Variants in SLC2A5 observed in about 807,000 individuals in gnomAD.
The protein encoded by SLC2A5 is solute carrier family 2, facilitated glucose transporter member 5.
In SLC2A5, 56 loss-of-function variants were observed where a neutral mutation model predicts 50.3. The observed-to-expected ratio is 1.11, with a 90% confidence interval of 0.90 to 1.39. The LOEUF is 1.39. Among genes scored for constraint, SLC2A5 ranks in the 40% most tolerant of loss-of-function variants. The probability of loss-of-function intolerance (pLI) is 0.00; values close to 1 mark genes in which losing one functional copy is unlikely to be tolerated. For synonymous variants in SLC2A5, 269 were observed against 281.9 expected (o/e 0.95, Z 0.46); for missense variants, 566 against 650.1 (o/e 0.87, Z 1.41).
At chr1:9,047,854 G>T in intron 3 of SLC2A5, 120 bp from the exon 4 acceptor site, 1 of 1,052,734 alleles carries the variant, frequency 9.5e-7, no homozygotes, top group Non-Finnish European at 1.4e-6. Context: ...ACTGCTGTGC[G>T]TTTAGCTCTC....
upstream of SLC2A5, among the ~76,000 whole-genome samples, chr1:9,074,254 C>T (rs1424183174): frequency 6.6e-6 from 1 of 152,116 alleles, no homozygotes; most frequent in Non-Finnish European, 1.5e-5. Flanking sequence ...AGACAGGTCT[C>T]AATCAATTTA....
At chr1:9,073,957 G>A (rs187449707), upstream of SLC2A5, among the ~76,000 whole-genome samples, 2 of 152,300 alleles carry the variant, frequency 1.3e-5, no homozygotes, top group Non-Finnish European at 2.9e-5. Flanking sequence ...GCGGGAGCCC[G>A]TAACCCCACC....
chr1:9,088,743 A>T (rs1642431786), upstream of SLC2A5, among the ~76,000 whole-genome samples: 1 of 152,176 alleles, frequency 6.6e-6, no homozygotes, highest in South Asian at 2.1e-4. Flanking sequence ...AGATCGCGCC[A>T]CTGCACTCCA....
chr1:9,043,098 T>C (rs1294241246), intron 4 of SLC2A5, among the ~76,000 whole-genome samples: 2 of 152,076 alleles, frequency 1.3e-5, no homozygotes, highest in Non-Finnish European at 2.9e-5. Context: ...TAAAAGCACA[T>C]CCAGAGGCTG....
At chr1:9,041,008 G>C (rs1483973066) in intron 5 of SLC2A5, 1 of 170,120 alleles carries the variant, frequency 5.9e-6, no homozygotes. Context: ...ACTGGTACAG[G>C]CTTAATAGGG....
intron 1 of SLC2A5, among the ~76,000 whole-genome samples, chr1:9,066,136 C>G (rs1642075965): frequency 2.6e-5 from 4 of 152,176 alleles, no homozygotes; most frequent in African/African-American, 9.7e-5. Context: ...GGATACTCAA[C>G]TAGTTGCTGG....
In SLC2A5 at chr1:9,035,238, A is replaced by C. The variant is rs1303248028; in HGVS notation, c.*2348T>G. On this transcript the variant is annotated 3_prime_UTR_variant, in exon 12 of 12. Transcript: ENST00000377424. ...CTAATGTGGCAGGACCAAGGTTTGAACCCAGGGAGCAGACATCCAGAACCA... is the reference window on the plus strand; with the variant it reads ...CTAATGTGGCAGGACCAAGGTTTGACCCCAGGGAGCAGACATCCAGAACCA... 1 of 152,200 alleles carries C rather than the reference A, an allele frequency of 6.6e-6. No homozygotes were observed. Among genetic ancestry groups the C allele is most frequent in the Non-Finnish European group, 1.5e-5 (1 of 68,046 alleles). The allele number at this position is 152,200 out of a possible 1,614,324, so 9.4% of individuals were successfully genotyped here.
intron 3 of SLC2A5, among the ~76,000 whole-genome samples, chr1:9,050,659 G>A (rs1218770474): frequency 1.3e-5 from 2 of 152,024 alleles, no homozygotes; most frequent in African/African-American, 2.4e-5. Flanking sequence ...CTTGGGTTTG[G>A]CGATGACTTT....
chr1:9,040,341 G>A lies in SLC2A5; in HGVS notation c.572-152C>T. 1.1e-6 allele frequency: 1 copy of A among 912,454 alleles called. No individual in the cohort carries two copies. The highest frequency in any genetic ancestry group is 2.7e-5 in the East Asian group (1 of 37,110). The allele number at this position is 912,454 out of a possible 1,614,324, so 56.5% of individuals were successfully genotyped here. On this transcript the variant is annotated intron_variant, in intron 5 of 11. Transcript: ENST00000377424. This position sits in a 1 kb window ranked among gnomAD's most constrained non-coding sequence, Gnocchi z 4.3. The stretch of plus-strand genomic sequence containing the variant: ...GCCCTAAGAACAGCAACTCCCGACG[G>A]TGGACACTCGGGAAACACCTGCAGC...
At chr1:9,061,973 A>T (rs998217433) in intron 1 of SLC2A5, among the ~76,000 whole-genome samples, 10 of 152,200 alleles carry the variant, frequency 6.6e-5, no homozygotes, top group African/African-American at 2.4e-4. Context: ...TAGAGCATTC[A>T]ATTCACCCTC....
upstream of SLC2A5, among the ~76,000 whole-genome samples, chr1:9,089,391 A>G (rs12711519): frequency 0.25 from 37,426 of 152,132 alleles, 5,735 homozygotes; most frequent in East Asian, 0.51. Context: ...CAAACTTTTC[A>G]CCACCTTCAA....
intron 2 of SLC2A5, among the ~76,000 whole-genome samples, chr1:9,083,813 G>A (rs1642377094): frequency 6.8e-6 from 1 of 146,960 alleles, no homozygotes; most frequent in African/African-American, 2.5e-5. Context: ...CAACAAGAGT[G>A]AAACTCCATA....
Position 9,039,569 on chromosome 1 carries a change from C to G in SLC2A5, c.979G>C (p.Val327Leu). The change falls in exon 8 of 12, where the codon GTC becomes CTC. Residue 327 changes from valine (V) to leucine (L), a missense_variant. Transcript: ENST00000377424. ...VTAGTGAVNVVMTFCAVFVVE... is the reference protein window; with the variant it reads ...VTAGTGAVNVLMTFCAVFVVE... ...ACACTCACGGCGCAGAAGGTCATGA[C>G]CACGTTCACGGCCCCGGTGCCGGCC... 6.4e-7 allele frequency: 1 copy of G among 1,574,306 alleles called. No homozygotes were observed.
intron 8 of SLC2A5, among the ~76,000 whole-genome samples, 177 bp downstream of exon 8, chr1:9,039,375 C>T (rs1192252306): frequency 2.0e-5 from 3 of 152,226 alleles, no homozygotes; most frequent in South Asian, 2.1e-4. Context: ...CGGTGCGGCT[C>T]GGCAGCCCCA....
At chr1:9,044,689 G>T (rs1557665189) in intron 4 of SLC2A5, among the ~76,000 whole-genome samples, 1 of 152,018 alleles carries the variant, frequency 6.6e-6, no homozygotes, top group Non-Finnish European at 1.5e-5. Context: ...CTAGTAGCTG[G>T]GATTACAGAC....
intron 3 of SLC2A5, among the ~76,000 whole-genome samples, chr1:9,053,330 ATATT>A (rs1641651674): frequency 1.4e-5 from 1 of 69,586 alleles, no homozygotes; most frequent in Non-Finnish European, 2.5e-5. Context: ...TATATATTAT[ATATT>A]TATATACTAT....
chr1:9,058,203 C>A lies in SLC2A5; in HGVS notation c.81G>T (p.Gly27=). 2 of 1,614,132 alleles carry A rather than the reference C, an allele frequency of 1.2e-6. No individual in the cohort carries two copies. Among genetic ancestry groups the A allele is most frequent in the Non-Finnish European group, 1.7e-6 (2 of 1,179,980 alleles). Residue 27 remains glycine, a synonymous_variant, in exon 2 of 12, where the codon GGG becomes GGT. Transcript: ENST00000377424. ...LALATLIAAF[G]SSFQYGYNVA... ...CGTTGTACCCATACTGGAAGGATGA[C>A]CCAAAGGCAGCTATCAGGGTTGCCA... is the stretch of plus-strand genomic sequence containing the variant.
At chr1:9,045,870 C>CAAA (rs59265235) in intron 4 of SLC2A5, among the ~76,000 whole-genome samples, 33 of 92,972 alleles carry the variant, frequency 3.5e-4, no homozygotes, top group Non-Finnish European at 5.5e-4. Context: ...AACTCCATCT[C>CAAA]AAAAAAAAAA....
At chr1:9,041,982 G>A (rs375332805) in intron 4 of SLC2A5, 45 bp from the exon 5 acceptor site, 15 of 1,521,100 alleles carry the variant, frequency 9.9e-6, no homozygotes, top group Non-Finnish European at 1.3e-5. Flanking sequence ...AAATTAGTCT[G>A]GCAGGGACAA....
Sources: allele counts gnomAD v4.1 joint callset (sites outside exome capture counted in the v4.1 genomes callset), GRCh38; gene constraint gnomAD v4.1.1; non-coding constraint Gnocchi (gnomAD v3.1); transcripts MANE v1.5; gene names NCBI Gene and HGNC (gene_info 2026-07-23, HGNC 2026-07-21).